NUCB2: variants seen among roughly 807,000 people sequenced by gnomAD.
NUCB2 encodes nucleobindin-2.
Under a neutral mutation model 57.9 loss-of-function variants are expected in NUCB2, and 48 were observed. That is an observed-to-expected ratio of 0.83 (90% CI 0.66 to 1.05). The LOEUF is 1.05. NUCB2 is among the 50% of genes least tolerant of loss of function. The pLI is 0.00. For synonymous variants in NUCB2, 139 were observed against 152.1 expected (o/e 0.91, Z 0.64); for missense variants, 442 against 476.2 (o/e 0.93, Z 0.67).
chr11:17,324,504 G>A (rs975221491), intron 11 of NUCB2, among the ~76,000 whole-genome samples: 4 of 152,064 alleles, frequency 2.6e-5, no homozygotes, highest in African/African-American at 9.7e-5. Flanking sequence ...CACTATGTCA[G>A]CTCACTGCAA....
chr11:17,285,156 G>A (rs974161428), intron 2 of NUCB2, among the ~76,000 whole-genome samples: 5 of 152,172 alleles, frequency 3.3e-5, no homozygotes, highest in East Asian at 3.9e-4. Context: ...GGCTGGGCGC[G>A]GTGGCTCATG....
chr11:17,285,440 G>GGCTACTACA, intron 2 of NUCB2, among the ~76,000 whole-genome samples: 1 of 152,250 alleles, frequency 6.6e-6, no homozygotes, highest in South Asian at 2.1e-4. Context: ...AGCCAGGCAT[G>GGCTACTACA]GTGGCATGCG....
At chr11:17,289,453 C>T (rs997982734) in intron 2 of NUCB2, among the ~76,000 whole-genome samples, 5 of 152,152 alleles carry the variant, frequency 3.3e-5, no homozygotes, top group Non-Finnish European at 1.5e-5. Flanking sequence ...TCATGAATCA[C>T]ACCAACTTGT....
intron 11 of NUCB2, among the ~76,000 whole-genome samples, chr11:17,320,652 G>A (rs1034896032): frequency 5.3e-5 from 8 of 152,148 alleles, no homozygotes; most frequent in East Asian, 1.9e-4. Flanking sequence ...GCAAGACTCC[G>A]TCTCAAAAAA....
At chr11:17,327,263 G>T (rs1333912020) in intron 11 of NUCB2, among the ~76,000 whole-genome samples, 1 of 152,062 alleles carries the variant, frequency 6.6e-6, no homozygotes, top group Non-Finnish European at 1.5e-5. Context: ...GTTTTTCCAC[G>T]TTGGCCAGGC....
intron 2 of NUCB2, among the ~76,000 whole-genome samples, chr11:17,348,132 G>C (rs1457137822): frequency 6.6e-6 from 1 of 151,406 alleles, no homozygotes; most frequent in Non-Finnish European, 1.5e-5. Flanking sequence ...AAAAATAATA[G>C]AGACAGGATC....
intron 3 of NUCB2, 118 bp downstream of exon 3, chr11:17,295,585 C>A: frequency 1.3e-6 from 1 of 766,860 alleles, no homozygotes; most frequent in Non-Finnish European, 2.2e-6. Context: ...GGAATTATAA[C>A]AAAAATATTG....
At chr11:17,318,871 G>A (rs1327769523) in intron 11 of NUCB2, among the ~76,000 whole-genome samples, 2 of 152,096 alleles carry the variant, frequency 1.3e-5, no homozygotes, top group Non-Finnish European at 2.9e-5. Context: ...CATTAAAAAC[G>A]TGTGCACTCT....
chr11:17,320,547 C>T (rs1304519307), intron 11 of NUCB2, among the ~76,000 whole-genome samples: 2 of 152,050 alleles, frequency 1.3e-5, no homozygotes, highest in East Asian at 1.9e-4. Context: ...ATCCCAGCTG[C>T]TCGGGAGGCT....
chr11:17,287,401 G>T (rs1370022674), intron 2 of NUCB2, among the ~76,000 whole-genome samples: 1 of 152,220 alleles, frequency 6.6e-6, no homozygotes, highest in East Asian at 1.9e-4. Flanking sequence ...GCCGGGCGTG[G>T]TGGCTCACAC....
At chr11:17,278,553 A>G (rs1261711688) in intron 1 of NUCB2, 1 of 152,158 alleles carries the variant, frequency 6.6e-6, no homozygotes, top group Non-Finnish European at 1.5e-5. Context: ...TATTGTTCAT[A>G]TCACGTATTT....
chr11:17,306,032 A>G (rs1189683245), intron 5 of NUCB2, among the ~76,000 whole-genome samples: 1 of 152,252 alleles, frequency 6.6e-6, no homozygotes, highest in African/African-American at 2.4e-5. Flanking sequence ...AAATGAATTA[A>G]AGATTTAAAT....
chr11:17,284,052 G>A (rs546076299), intron 2 of NUCB2, among the ~76,000 whole-genome samples: 8 of 151,580 alleles, frequency 5.3e-5, no homozygotes, highest in East Asian at 1.9e-4. Context: ...TTGTTGAGAC[G>A]GAGTCTCACT....
rs71047541 is a variant in NUCB2 at position 17,300,967 on chromosome 11, C to CTTTTT, written c.253-759_253-755dup. Among the ~76,000 whole-genome samples the CTTTTT allele has an allele frequency of 9.1e-4, 77 of 84,410 alleles. 1 individual carries two copies. Among genetic ancestry groups the CTTTTT allele is most frequent in the Non-Finnish European group, 1.0e-3 (45 of 44,266 alleles). 55.4% of individuals were successfully genotyped at this position (84,410 alleles called of 152,430 possible). A position where few individuals can be genotyped will look rare whatever the true frequency, so the allele number is the denominator to read the frequency against. ...CCTTGATTTTAGAGTTAAAGCTAAT[C>CTTTTT]TTTTTTTTTTTTTTTTTTTTTTGAG... On this transcript the variant is annotated intron_variant, in intron 4 of 13. Coordinates refer to ENST00000529010, the MANE Select transcript of NUCB2 (RefSeq NM_005013.4).
rs773886573 is a variant in NUCB2 at position 17,331,412 on chromosome 11, A to G, written c.1256A>G (p.His419Arg). The part of the protein sequence containing the change: ...GPAGELKFEP[H>R]I ...AGAACTTTTTTCTTTTTTCCAACAG[A>G]CATTTAAAGTCTGAAGTCCACCAGA... Residue 419 changes from histidine (H) to arginine (R), a missense_variant and splice_region_variant, in exon 14 of 14, where the codon CAC becomes CGC. Coordinates refer to ENST00000529010, the MANE Select transcript of NUCB2 (RefSeq NM_005013.4). 4.2e-6 allele frequency: 6 copies of G among 1,442,166 alleles called. No homozygotes were observed. Among genetic ancestry groups the G allele is most frequent in the Non-Finnish European group, 9.2e-7 (1 of 1,090,924 alleles). The allele number at this position is 1,442,166 out of a possible 1,614,324, so 89.3% of individuals were successfully genotyped here. A position where few individuals can be genotyped will look rare whatever the true frequency, so the allele number is the denominator to read the frequency against.
intron 1 of NUCB2, 32 bp from the exon 2 acceptor site, chr11:17,282,753 TTTTA>T (rs535611484): frequency 7.2e-5 from 11 of 152,174 alleles, no homozygotes; most frequent in Admixed American, 1.3e-4. Flanking sequence ...ATTTTGTGTC[TTTTA>T]TTTATTTATT....
At chr11:17,337,699 A>C (rs1271791238) in intron 2 of NUCB2, among the ~76,000 whole-genome samples, 2 of 152,046 alleles carry the variant, frequency 1.3e-5, no homozygotes, top group Non-Finnish European at 2.9e-5. Flanking sequence ...GCTAGAGTGC[A>C]ATGGCTCACT....
intron 11 of NUCB2, 56 bp downstream of exon 11, chr11:17,315,531 A>G (rs1341941162): frequency 1.9e-6 from 2 of 1,038,982 alleles, no homozygotes; most frequent in South Asian, 1.4e-5. Context: ...ACATCAGTCT[A>G]TTCTACTTTT....
chr11:17,331,458 C>T lies in NUCB2; in HGVS notation c.*39C>T. ...CCAGAACTTGGAAGAAAGCTGTTAA[C>T]TCAACATCTATTTCATCTTTTTAGC... is the stretch of plus-strand genomic sequence containing the variant. On this transcript the variant is annotated 3_prime_UTR_variant, in exon 14 of 14. Coordinates refer to ENST00000529010, the MANE Select transcript of NUCB2 (RefSeq NM_005013.4). 1 of 1,359,802 alleles carries T rather than the reference C, an allele frequency of 7.4e-7. No homozygotes were observed. Among genetic ancestry groups the T allele is most frequent in the Non-Finnish European group, 9.7e-7 (1 of 1,026,616 alleles). 84.2% of individuals were successfully genotyped at this position (1,359,802 alleles called of 1,614,324 possible).
Sources: gnomAD v4.1 joint callset for allele counts (sites outside exome capture counted in the v4.1 genomes callset) on GRCh38, gnomAD v4.1.1 for gene constraint, MANE v1.5 for transcripts, NCBI Gene and HGNC (gene_info 2026-07-23, HGNC 2026-07-21) for gene names.